The following TENM2 variants were observed in gnomAD, a reference collection of about 807,000 sequenced individuals.
TENM2 encodes teneurin-2.
In TENM2, 52 loss-of-function variants were observed where a neutral mutation model predicts 245.2. That is an observed-to-expected ratio of 0.21 (90% CI 0.17 to 0.27). The LOEUF is 0.27. Among genes scored for constraint, TENM2 ranks in the 10% least tolerant of loss-of-function variants. TENM2 has a pLI of 1.00. For missense variants in TENM2, 3,046 were observed against 3,666.8 expected, an observed-to-expected ratio of 0.83 and a Z score of 4.37; for synonymous variants, 1,363 against 1,438.9, an observed-to-expected ratio of 0.95 and a Z score of 1.19.
exon 10 of TENM2, chr5:168,118,483 G>A: frequency 6.5e-7 from 1 of 1,533,508 alleles, no homozygotes; most frequent in South Asian, 1.3e-5. Flanking sequence ...GCACTGTGAG[G>A]AAGGTAAGCC....
the TENM2 span, among the ~76,000 whole-genome samples, chr5:167,200,782 G>A: frequency 6.6e-6 from 1 of 152,052 alleles, no homozygotes; most frequent in African/African-American, 2.4e-5. Context: ...CTGCCATAGG[G>A]TATGCATTTC....
At chr5:167,637,141 A>T (rs1208429966) in intron 2 of TENM2, among the ~76,000 whole-genome samples, 2 of 152,236 alleles carry the variant, frequency 1.3e-5, no homozygotes, top group Non-Finnish European at 2.9e-5. Context: ...CAAAGAACTT[A>T]GAACAGCACT....
intron 5 of TENM2, among the ~76,000 whole-genome samples, chr5:168,023,437 G>A (rs893330549): frequency 1.3e-5 from 2 of 152,132 alleles, no homozygotes; most frequent in Non-Finnish European, 2.9e-5. Flanking sequence ...GCCCGCCGAC[G>A]GCTGCCTGCC....
chr5:168,052,845 T>C (rs1209426983), intron 6 of TENM2, among the ~76,000 whole-genome samples: 1 of 152,180 alleles, frequency 6.6e-6, no homozygotes, highest in Non-Finnish European at 1.5e-5. Context: ...AATTTCCAGA[T>C]GGTATGCAAG....
intron 2 of TENM2, among the ~76,000 whole-genome samples, chr5:167,680,796 G>A (rs1283458944): frequency 1.3e-5 from 2 of 152,200 alleles, no homozygotes; most frequent in African/African-American, 4.8e-5. Context: ...TGTTTATTTT[G>A]CTAGATCCCC....
chr5:167,400,108 A>G (rs1262142542), intron 2 of TENM2, among the ~76,000 whole-genome samples: 1 of 152,170 alleles, frequency 6.6e-6, no homozygotes, highest in East Asian at 1.9e-4. Flanking sequence ...ACCGAAGGTT[A>G]TTAACAAAGG....
the TENM2 span, among the ~76,000 whole-genome samples, chr5:167,101,565 A>T: frequency 6.6e-6 from 1 of 151,824 alleles, no homozygotes; most frequent in African/African-American, 2.4e-5. Context: ...GCTGCTCTTA[A>T]TCACTCATGT....
chr5:167,755,887 G>C (rs58847998), intron 2 of TENM2, among the ~76,000 whole-genome samples: 10,852 of 152,112 alleles, frequency 0.071, 455 homozygotes, highest in Middle Eastern at 0.12. Context: ...CTTCAAAGAG[G>C]GTGCTGCTGT....
At position 167,970,213 on chromosome 5, in the gene TENM2, C is replaced by T. The variant is rs1781673540; in HGVS notation, c.947+17391C>T. 2.6e-5 allele frequency among the ~76,000 whole-genome samples: 4 copies of T among 152,224 alleles called. No homozygotes were observed. The South Asian group carries it at 8.3e-4, about 32-fold the overall frequency. ...GAAAAAATTAAGTTTCACTGACTAACTTCTGCCCCCTTCTGACTCATCACC... is the reference window on the plus strand; with the variant it reads ...GAAAAAATTAAGTTTCACTGACTAATTTCTGCCCCCTTCTGACTCATCACC... On this transcript the variant is annotated intron_variant, in intron 4 of 28. Coordinates refer to ENST00000518659, the Ensembl canonical transcript of TENM2.
chr5:167,046,952 A>T, the TENM2 span, among the ~76,000 whole-genome samples: 41 of 150,482 alleles, frequency 2.7e-4, no homozygotes, highest in Non-Finnish European at 5.5e-4. Flanking sequence ...GAGAACATGC[A>T]CTGTTTGGTT....
At chr5:167,957,247 C>T (rs751627610) in intron 4 of TENM2, among the ~76,000 whole-genome samples, 29 of 152,202 alleles carry the variant, frequency 1.9e-4, no homozygotes, top group Non-Finnish European at 3.7e-4. Context: ...TCTAGATTTT[C>T]TGGTTTATTT....
chr5:167,977,132 G>A (rs2151953888), intron 4 of TENM2, among the ~76,000 whole-genome samples: 1 of 152,172 alleles, frequency 6.6e-6, no homozygotes, highest in East Asian at 1.9e-4. Context: ...AGAACACATG[G>A]ACACAAAAAG....
the TENM2 span, among the ~76,000 whole-genome samples, chr5:167,211,423 C>A: frequency 4.6e-5 from 7 of 152,302 alleles, no homozygotes; most frequent in South Asian, 1.4e-3. Context: ...ATTGAGATAT[C>A]TATGTGGACT....
chr5:167,419,517 G>A (rs1387947007), intron 2 of TENM2, among the ~76,000 whole-genome samples: 3 of 152,090 alleles, frequency 2.0e-5, no homozygotes, highest in African/African-American at 4.8e-5. Flanking sequence ...TATTTAGAAC[G>A]ACAAAATTTC....
the TENM2 span, among the ~76,000 whole-genome samples, chr5:166,994,206 T>C: frequency 3.9e-5 from 6 of 152,242 alleles, no homozygotes; most frequent in Non-Finnish European, 8.8e-5. Flanking sequence ...AAAAGCAGAA[T>C]ATCTGCTTTG....
intron 2 of TENM2, among the ~76,000 whole-genome samples, chr5:167,506,667 A>G (rs188514591): frequency 2.0e-5 from 3 of 152,172 alleles, no homozygotes; most frequent in Non-Finnish European, 2.9e-5. Flanking sequence ...CTGATGCCCA[A>G]TCTCATTATT....
intron 27 of TENM2, among the ~76,000 whole-genome samples, chr5:168,250,119 GAT>G (rs1167514544): frequency 4.9e-5 from 4 of 82,152 alleles, no homozygotes; most frequent in Non-Finnish European, 8.9e-5. Flanking sequence ...TGGATGGATG[GAT>G]GGATGGATGG....
the TENM2 span, among the ~76,000 whole-genome samples, chr5:167,057,066 AT>A: frequency 4.0e-5 from 6 of 151,830 alleles, no homozygotes; most frequent in Non-Finnish European, 8.8e-5. Context: ...AATTTCTATT[AT>A]CATATCCTCA....
chr5:167,457,366 CTT>C (rs1424049350), intron 2 of TENM2, among the ~76,000 whole-genome samples: 2 of 147,312 alleles, frequency 1.4e-5, no homozygotes, highest in Non-Finnish European at 3.0e-5. Flanking sequence ...CAGTTTCGCT[CTT>C]GTTGCCCAGG....
Sources: allele counts gnomAD v4.1 joint callset (sites outside exome capture counted in the v4.1 genomes callset), GRCh38; gene constraint gnomAD v4.1.1; transcripts MANE v1.5; gene names NCBI Gene and HGNC (gene_info 2026-07-23, HGNC 2026-07-21).